Variants in EIF3L observed in about 807,000 individuals in gnomAD.
EIF3L encodes eukaryotic translation initiation factor 3 subunit L, also known as eIEF associated protein HSPC021.
Under a neutral mutation model 74.6 loss-of-function variants are expected in EIF3L, and 32 were observed. That is an observed-to-expected ratio of 0.43 (90% CI 0.32 to 0.58). The LOEUF is 0.58. Ranked by LOEUF, EIF3L falls within the 20% of genes least tolerant of loss-of-function variation. The pLI is 0.06. For synonymous variants in EIF3L, 256 were observed against 254.4 expected, an observed-to-expected ratio of 1.01 and a Z score of -0.06; for missense variants, 474 against 707.8, an observed-to-expected ratio of 0.67 and a Z score of 3.75.
At chr22:37,871,447 A>C (rs1408989287) in intron 8 of EIF3L, among the ~76,000 whole-genome samples, 3 of 152,226 alleles carry the variant, frequency 2.0e-5, no homozygotes, top group Non-Finnish European at 4.4e-5. Context: ...GAGCAGTTGC[A>C]GTCAGAACTT....
rs1165287476 is a variant in EIF3L, at chr22:37,877,997, C to T, written c.1401C>T (p.Tyr467=). 11 of 1,613,402 alleles carry T rather than the reference C, an allele frequency of 6.8e-6. No individual in the cohort carries two copies. The highest frequency in any genetic ancestry group is 7.6e-6 in the Non-Finnish European group (9 of 1,179,972). The change falls in exon 11 of 13, where the codon TAC becomes TAT. Residue 467 remains tyrosine (Y), a synonymous_variant. Transcript: ENST00000652021. ...LSTIRSFLKL[Y]TTMPVAKLAG... The stretch of plus-strand genomic sequence containing the variant: ...CCATCCGCAGCTTCCTGAAGCTCTA[C>T]ACCACCATGCCTGTGGCCAAGCTGG...
intron 7 of EIF3L, among the ~76,000 whole-genome samples, 174 bp downstream of exon 7, chr22:37,863,519 A>G (rs996448605): frequency 3.9e-5 from 6 of 152,136 alleles, no homozygotes; most frequent in Admixed American, 3.9e-4. Flanking sequence ...AGGGAAGCCT[A>G]AGCACTCCAG....
At chr22:37,850,730 G>C (rs76025187) in intron 2 of EIF3L, among the ~76,000 whole-genome samples, 6,621 of 152,212 alleles carry the variant, frequency 0.043, 260 homozygotes, top group African/African-American at 0.096. Flanking sequence ...TTCCTGAAAC[G>C]TTATAGTGAC....
rs145945234 is a variant in EIF3L, at chr22:37,856,739, GA to G, written c.373+1096del. ...CATGCCTGTAATCCCAGCTACTTGG[GA>G]GGTGGAGGCAGGAGAATCACTTGAA... On this transcript the variant is annotated intron_variant, in intron 4 of 12. Coordinates refer to ENST00000652021, the MANE Select transcript of EIF3L (RefSeq NM_016091.4). Among the ~76,000 whole-genome samples the G allele has an allele frequency of 6.0e-3, 916 of 152,078 alleles. 8 individuals are homozygous for G. The highest frequency in any genetic ancestry group is 0.021 in the African/African-American group (886 of 41,480).
rs147424548 is a variant in EIF3L, at chr22:37,870,999, G to GC, written c.751+656dup. On this transcript the variant is annotated intron_variant, in intron 8 of 12. Transcript: ENST00000652021. Reference sequence around the variant, plus strand: ...ATTGACTGAGCATGGTGGGTGGGGTGCCCCTGTAGTCCCAGCTACTCGGGA... The same window carrying GC: ...ATTGACTGAGCATGGTGGGTGGGGTGCCCCCTGTAGTCCCAGCTACTCGGGA... Among the ~76,000 whole-genome samples the GC allele has an allele frequency of 7.6e-4, 116 of 152,076 alleles. No individual in the cohort carries two copies. The East Asian group carries it at 0.021, about 28-fold the overall frequency.
intron 8 of EIF3L, 100 bp downstream of exon 8, chr22:37,870,447 A>G: frequency 2.5e-6 from 3 of 1,212,710 alleles, no homozygotes; most frequent in Non-Finnish European, 3.4e-6. Context: ...ATGAGTCACC[A>G]TGTCTTAGGT....
chr22:37,850,450 TC>T (rs1925131819), intron 2 of EIF3L: 2 of 221,146 alleles, frequency 9.0e-6, no homozygotes, highest in African/African-American at 4.7e-5. Context: ...AGTTCTCTTG[TC>T]TCAGCCTCCT....
intron 8 of EIF3L, 41 bp from the exon 9 acceptor site, chr22:37,874,329 A>T (rs1418291539): frequency 6.3e-7 from 1 of 1,595,062 alleles, no homozygotes; most frequent in African/African-American, 1.3e-5. Flanking sequence ...GCCTGCCTTT[A>T]CCTGCCTCCT....
At chr22:37,888,367 C>G in intron 12 of EIF3L, 59 bp from the exon 13 acceptor site, 1 of 1,581,114 alleles carries the variant, frequency 6.3e-7, no homozygotes. Context: ...ATCATACACA[C>G]TGTAGGAAAG....
intron 11 of EIF3L, chr22:37,883,588 A>G (rs1267413121): frequency 1.3e-5 from 2 of 151,872 alleles, no homozygotes; most frequent in Non-Finnish European, 2.9e-5. Context: ...CTCAAAAAAA[A>G]AAATTGCAGG....
chr22:37,866,399 T>A (rs1926152317), intron 7 of EIF3L, among the ~76,000 whole-genome samples: 1 of 152,168 alleles, frequency 6.6e-6, no homozygotes, highest in Admixed American at 6.5e-5. Context: ...CACAGGCATA[T>A]TTTTAGGGAT....
chr22:37,864,554 T>C (rs930805281), intron 7 of EIF3L, among the ~76,000 whole-genome samples: 2 of 151,448 alleles, frequency 1.3e-5, no homozygotes, highest in African/African-American at 2.4e-5. Context: ...TTTTTTTTTT[T>C]TGGAGATGGA....
intron 7 of EIF3L, among the ~76,000 whole-genome samples, chr22:37,869,786 C>T (rs1193182290): frequency 2.0e-5 from 3 of 152,134 alleles, no homozygotes; most frequent in Non-Finnish European, 4.4e-5. Context: ...CCAGGGCGTA[C>T]CACAGTCTAG....
chr22:37,858,725 A>C lies in EIF3L; in HGVS notation c.420A>C (p.Ile140=). ...ILYKELYYRH[I]YAKVSGGPSL... is the part of the protein sequence containing the mutation. ...ACAAAGAATTATACTACAGGCACAT[A>C]TATGCCAAAGTCAGTGTAAGTATTT... is the stretch of plus-strand genomic sequence containing the variant. The change falls in exon 5 of 13, where the codon ATA becomes ATC. Residue 140 remains isoleucine, a synonymous_variant. Transcript: ENST00000652021. 1.2e-6 allele frequency: 2 copies of C among 1,606,354 alleles called. No individual in the cohort carries two copies. Among genetic ancestry groups the C allele is most frequent in the African/African-American group, 1.3e-5 (1 of 74,624 alleles).
intron 1 of EIF3L, 115 bp from the exon 2 acceptor site, chr22:37,849,900 C>A: frequency 8.9e-7 from 1 of 1,117,452 alleles, no homozygotes; most frequent in Non-Finnish European, 1.4e-6. Context: ...AAGGCAGGCA[C>A]AGTGTCTTAT....
At chr22:37,856,540 A>T (rs1467315897) in intron 4 of EIF3L, among the ~76,000 whole-genome samples, 1 of 152,130 alleles carries the variant, frequency 6.6e-6, no homozygotes, top group Non-Finnish European at 1.5e-5. Flanking sequence ...TTTTTGTAGT[A>T]AGTTTTGAAA....
chr22:37,878,204 T>C lies in EIF3L; in HGVS notation c.1575+33T>C, dbSNP rs747512958. The C allele has an allele frequency of 9.0e-6, 14 of 1,556,026 alleles. No homozygotes were observed. In the East Asian group the frequency reaches 3.2e-4, roughly 35 times the overall value. On this transcript the variant is annotated intron_variant, in intron 11 of 12. Transcript: ENST00000652021. ...TGTCCCCTGGGCTTGGGGTCTTGTATTAAGTGTTCAGTATCTTTCATTCAC... is the reference window on the plus strand; with the variant it reads ...TGTCCCCTGGGCTTGGGGTCTTGTACTAAGTGTTCAGTATCTTTCATTCAC...
intron 3 of EIF3L, among the ~76,000 whole-genome samples, chr22:37,851,855 A>G (rs1925244698): frequency 6.6e-6 from 1 of 151,976 alleles, no homozygotes; most frequent in African/African-American, 2.4e-5. Context: ...TTTAGTAGAG[A>G]CAGAATTTCA....
At chr22:37,872,698 A>G (rs1011104310) in intron 8 of EIF3L, among the ~76,000 whole-genome samples, 2 of 152,070 alleles carry the variant, frequency 1.3e-5, no homozygotes, top group Non-Finnish European at 2.9e-5. Context: ...GGCTCACTGC[A>G]TCCTCTACCT....
Sources: gnomAD v4.1 joint callset for allele counts (sites outside exome capture counted in the v4.1 genomes callset) on GRCh38, gnomAD v4.1.1 for gene constraint, MANE v1.5 for transcripts, NCBI Gene and HGNC (gene_info 2026-07-23, HGNC 2026-07-21) for gene names.